Variants in USH2A observed in about 807,000 individuals in gnomAD.
USH2A encodes the protein Usher syndrome 2A (autosomal recessive, mild).
In USH2A, 443 loss-of-function variants were observed where a neutral mutation model predicts 538.9. That is an observed-to-expected ratio of 0.82 (90% CI 0.76 to 0.89). The LOEUF is 0.89. Among genes scored for constraint, USH2A ranks in the 40% least tolerant of loss-of-function variants. USH2A has a pLI of 0.00. For synonymous variants in USH2A, 2,413 were observed against 2,273.5 expected (o/e 1.06, Z -1.75); for missense variants, 6,633 against 6,324.8 (o/e 1.05, Z -1.65).
Position 216,325,460 on chromosome 1 carries a change from T to A in USH2A, c.988A>T (p.Asn330Tyr). 2 of 1,613,908 alleles carry A rather than the reference T, an allele frequency of 1.2e-6. No individual in the cohort carries two copies. Among genetic ancestry groups the A allele is most frequent in the Non-Finnish European group, 1.7e-6 (2 of 1,179,910 alleles). Reference sequence around the variant, plus strand: ...TCAGGATTCAACCGTGACACTCTATTATCAGCTGTGTCTCCTGCATCATTA... The same window carrying A: ...TCAGGATTCAACCGTGACACTCTATAATCAGCTGTGTCTCCTGCATCATTA... ...IPNDAGDTADNRVSRLNPEAH... is the reference protein window; with the variant it reads ...IPNDAGDTADYRVSRLNPEAH... Residue 330 changes from asparagine to tyrosine, a missense_variant, in exon 6 of 72, where the codon AAT (asparagine) becomes TAT (tyrosine). Coordinates refer to ENST00000307340, the MANE Select transcript of USH2A (RefSeq NM_206933.4).
In USH2A at chr1:216,154,593, G is replaced by C. The variant is rs541210072; in HGVS notation, c.4627+20659C>G. ...TAAATGGTTCAGTTCGATATGTTTT[G>C]ACAGATGTACACACTTGTAAAACCA... is the stretch of plus-strand genomic sequence containing the variant. On this transcript the variant is annotated intron_variant, in intron 21 of 71. Transcript: ENST00000307340. Among the ~76,000 whole-genome samples the C allele has an allele frequency of 3.2e-4, 49 of 152,198 alleles. 1 individual carries two copies. In the South Asian group the frequency reaches 7.1e-3, roughly 22 times the overall value.
intron 11 of USH2A, among the ~76,000 whole-genome samples, chr1:216,265,621 G>T (rs1027705868): frequency 8.3e-6 from 1 of 120,922 alleles, no homozygotes; most frequent in East Asian, 2.3e-4. Context: ...CAAAGGAATA[G>T]ATAAAGAAAA....
rs1388648004 is a variant in USH2A at position 216,097,162 on chromosome 1, G to T, written c.4679C>A (p.Ala1560Glu). The change falls in exon 22 of 72, where the codon GCA becomes GAA. Residue 1560 changes from alanine to glutamate, a missense_variant. Ala to Glu is a moderately radical substitution (Grantham distance 107). Coordinates refer to ENST00000307340, the MANE Select transcript of USH2A (RefSeq NM_206933.4). ...CTCTTCCTGATTGCCAGGTGATGCTGCAAAGACAATCAAACCTTCAGGCAC... is the reference window on the plus strand; with the variant it reads ...CTCTTCCTGATTGCCAGGTGATGCTTCAAAGACAATCAAACCTTCAGGCAC... ...TKVPEGLIVF[A>E]ASPGNQEEYF... The T allele has an allele frequency of 1.2e-6, 2 of 1,614,016 alleles. No homozygotes were observed. The highest frequency in any genetic ancestry group is 4.5e-5 in the East Asian group (2 of 44,880).
intron 60 of USH2A, among the ~76,000 whole-genome samples, chr1:215,731,320 C>T (rs973233997): frequency 3.3e-5 from 5 of 152,140 alleles, no homozygotes; most frequent in Admixed American, 6.5e-5. Flanking sequence ...AAGTACATGT[C>T]CCATCTGCAC....
chr1:216,245,108 GA>G (rs2036010863), intron 13 of USH2A, among the ~76,000 whole-genome samples: 1 of 152,114 alleles, frequency 6.6e-6, no homozygotes, highest in Admixed American at 6.6e-5. Context: ...TTGCAAATTT[GA>G]AAGGATTAAC....
chr1:215,636,985 T>C lies in USH2A; in HGVS notation c.15052+2170A>G, dbSNP rs186127633. ...TATGAAGACCTCGAGATCAGGATGG[T>C]GTCCCTTTATCCCTTCCCTTCTGTC... On this transcript the variant is annotated intron_variant, in intron 69 of 71. Coordinates refer to ENST00000307340, the MANE Select transcript of USH2A (RefSeq NM_206933.4). Among the ~76,000 whole-genome samples the C allele has an allele frequency of 3.3e-3, 503 of 152,146 alleles. 1 individual carries two copies. Among genetic ancestry groups the C allele is most frequent in the Middle Eastern group, 0.017 (5 of 294 alleles).
chr1:216,173,766 C>T (rs2034317357), intron 21 of USH2A, among the ~76,000 whole-genome samples: 1 of 152,114 alleles, frequency 6.6e-6, no homozygotes, highest in Admixed American at 6.6e-5. Context: ...GGCTAGCCTG[C>T]AAATCCAAGC....
At chr1:216,114,939 T>C (rs2102588998) in intron 21 of USH2A, among the ~76,000 whole-genome samples, 1 of 152,290 alleles carries the variant, frequency 6.6e-6, no homozygotes, top group Admixed American at 6.5e-5. Flanking sequence ...TATGGTTATT[T>C]AGATGTGTAT....
chr1:215,821,248 T>C (rs1663007701), intron 47 of USH2A, among the ~76,000 whole-genome samples: 1 of 151,770 alleles, frequency 6.6e-6, no homozygotes, highest in Non-Finnish European at 1.5e-5. Flanking sequence ...TTCACCAGCA[T>C]CCATTATTTC....
chr1:216,387,969 C>A (rs1385165680), intron 3 of USH2A, among the ~76,000 whole-genome samples: 2 of 152,032 alleles, frequency 1.3e-5, no homozygotes, highest in Non-Finnish European at 1.5e-5. Context: ...CTCTTTTGTC[C>A]AAACCTCCTG....
intron 11 of USH2A, among the ~76,000 whole-genome samples, chr1:216,271,401 A>T (rs1323031224): frequency 6.6e-6 from 1 of 152,072 alleles, no homozygotes; most frequent in Non-Finnish European, 1.5e-5. Context: ...AGGGGATTGT[A>T]TGTGGGGGAC....
intron 41 of USH2A, among the ~76,000 whole-genome samples, chr1:215,879,829 T>C (rs1664862909): frequency 6.6e-6 from 1 of 152,214 alleles, no homozygotes; most frequent in South Asian, 2.1e-4. Context: ...AGGAGCATAG[T>C]GGTAACACAC....
chr1:215,767,090 G>A (rs1449495417), intron 55 of USH2A, among the ~76,000 whole-genome samples: 1 of 152,108 alleles, frequency 6.6e-6, no homozygotes, highest in African/African-American at 2.4e-5. Context: ...CCTGCCTATC[G>A]GATCAGAGCA....
intron 35 of USH2A, among the ~76,000 whole-genome samples, chr1:215,991,157 G>A (rs972603383): frequency 6.6e-6 from 1 of 152,058 alleles, no homozygotes; most frequent in Non-Finnish European, 1.5e-5. Context: ...AACAATTTTT[G>A]ACTCTAGGCC....
intron 61 of USH2A, among the ~76,000 whole-genome samples, chr1:215,708,553 A>G (rs540108288): frequency 1.4e-3 from 208 of 152,214 alleles, no homozygotes; most frequent in African/African-American, 4.7e-3. Context: ...GGAGGTGGGG[A>G]TGGTTTTAGG....
At chr1:216,122,796 A>G (rs1226355618) in intron 21 of USH2A, among the ~76,000 whole-genome samples, 1 of 152,194 alleles carries the variant, frequency 6.6e-6, no homozygotes, top group East Asian at 1.9e-4. Flanking sequence ...AAATGACTCC[A>G]GCCCTGGGAA....
At chr1:216,264,302 ATT>A (rs1003186617) in intron 11 of USH2A, among the ~76,000 whole-genome samples, 2 of 145,826 alleles carry the variant, frequency 1.4e-5, no homozygotes, top group Admixed American at 6.9e-5. Context: ...AGACAAAGCA[ATT>A]TTTTTTTTTT....
chr1:215,937,485 G>A (rs901491877), intron 37 of USH2A, among the ~76,000 whole-genome samples: 5 of 152,052 alleles, frequency 3.3e-5, no homozygotes, highest in Non-Finnish European at 5.9e-5. Flanking sequence ...CATGCCCCAA[G>A]TACATAAGAC....
At chr1:216,042,615 G>T (rs988624941) in intron 32 of USH2A, among the ~76,000 whole-genome samples, 1 of 151,994 alleles carries the variant, frequency 6.6e-6, no homozygotes, top group Admixed American at 6.6e-5. Context: ...ACATGTTATG[G>T]TGTAGACTTA....
Sources: allele counts gnomAD v4.1 joint callset (sites outside exome capture counted in the v4.1 genomes callset), GRCh38; gene constraint gnomAD v4.1.1; transcripts MANE v1.5; gene names NCBI Gene and HGNC (gene_info 2026-07-23, HGNC 2026-07-21).